UBR3: variants seen among roughly 807,000 people sequenced by gnomAD.
The protein encoded by UBR3 is E3 ubiquitin-protein ligase UBR3.
Under a neutral mutation model 243.2 loss-of-function variants are expected in UBR3, and 85 were observed. That is an observed-to-expected ratio of 0.35 (90% CI 0.29 to 0.42). The LOEUF (loss-of-function observed/expected upper bound fraction) is 0.42, where lower values mean the gene tolerates loss of function less well. Among genes scored for constraint, UBR3 ranks in the 10% least tolerant of loss-of-function variants. The pLI is 1.00. For synonymous variants in UBR3, 748 were observed against 799.8 expected (o/e 0.94, Z 1.09); for missense variants, 1,686 against 2,300.8 (o/e 0.73, Z 5.47).
intron 10 of UBR3, among the ~76,000 whole-genome samples, chr2:169,909,977 G>T (rs2085188615): frequency 6.6e-6 from 1 of 152,076 alleles, no homozygotes; most frequent in Admixed American, 6.5e-5. Flanking sequence ...AGAGACTTTT[G>T]AGTAACTGTG....
chr2:169,927,578 T>G (rs914204061), intron 17 of UBR3, among the ~76,000 whole-genome samples, 173 bp downstream of exon 17: 6 of 17,460 alleles, frequency 3.4e-4, no homozygotes, highest in Non-Finnish European at 1.4e-3. Context: ...GGTGACTGTT[T>G]TTTTTTTTTT....
At chr2:169,884,156 C>CT (rs757405113) in intron 5 of UBR3, among the ~76,000 whole-genome samples, 7,924 of 130,396 alleles carry the variant, frequency 0.061, 465 homozygotes, top group African/African-American at 0.15. Context: ...GGAGAGCTGA[C>CT]TTTTTTTTTT....
At chr2:170,010,421 C>T (rs1357789620) in intron 29 of UBR3, among the ~76,000 whole-genome samples, 3 of 152,072 alleles carry the variant, frequency 2.0e-5, no homozygotes, top group Non-Finnish European at 2.9e-5. Flanking sequence ...TTAGAGTTGA[C>T]CTTTTAAGAA....
At chr2:170,080,770 A>T (rs1003540701) in intron 38 of UBR3, 86 bp downstream of exon 38, 4 of 1,387,006 alleles carry the variant, frequency 2.9e-6, no homozygotes, top group Non-Finnish European at 3.9e-6. Flanking sequence ...TGTAATTACA[A>T]TTTTTTTAAT....
At chr2:170,055,164 G>T (rs961132538) in intron 32 of UBR3, among the ~76,000 whole-genome samples, 6 of 152,088 alleles carry the variant, frequency 3.9e-5, no homozygotes, top group Admixed American at 1.3e-4. Flanking sequence ...AGGCGTAGTG[G>T]CACATGCCTG....
chr2:169,977,085 A>G (rs905140158), intron 24 of UBR3, among the ~76,000 whole-genome samples: 17 of 151,712 alleles, frequency 1.1e-4, no homozygotes. Flanking sequence ...CTTTTTCATG[A>G]TATCTGTCTC....
At chr2:170,023,724 C>T (rs867720456) in intron 30 of UBR3, among the ~76,000 whole-genome samples, 1 of 152,152 alleles carries the variant, frequency 6.6e-6, no homozygotes, top group Admixed American at 6.5e-5. Context: ...TCCCGAGTAG[C>T]TGGGATTACA....
At chr2:169,965,110 T>G (rs1037746420) in intron 24 of UBR3, 1 of 365,590 alleles carries the variant, frequency 2.7e-6, no homozygotes, top group Non-Finnish European at 5.4e-6. Flanking sequence ...AAAGCCTGTT[T>G]GAGACCCCAT....
chr2:169,928,651 A>C, intron 17 of UBR3, 76 bp from the exon 18 acceptor site: 1 of 1,231,692 alleles, frequency 8.1e-7, no homozygotes. Flanking sequence ...CAGCAAAATG[A>C]GAAACTAGAG....
chr2:169,924,231 C>A (rs2085816841), intron 13 of UBR3, 58 bp downstream of exon 13: 13 of 1,307,312 alleles, frequency 9.9e-6, no homozygotes, highest in Non-Finnish European at 1.3e-5. Flanking sequence ...AGTGATTCTT[C>A]CTTTATTTAT....
At chr2:169,987,292 C>T (rs1166913425) in intron 25 of UBR3, among the ~76,000 whole-genome samples, 1 of 150,468 alleles carries the variant, frequency 6.6e-6, no homozygotes, top group Non-Finnish European at 1.5e-5. Context: ...ATTTGGGAGC[C>T]TGAGGCAGGA....
chr2:169,908,759 T>G (rs1427426396), intron 10 of UBR3, among the ~76,000 whole-genome samples: 1 of 151,752 alleles, frequency 6.6e-6, no homozygotes, highest in Non-Finnish European at 1.5e-5. Flanking sequence ...AAATTGGGGT[T>G]AGTGTTTGTC....
rs1251220362 is a variant in UBR3, at chr2:170,008,784, A to G, written c.4231-20A>G. 9.8e-6 allele frequency: 11 copies of G among 1,126,714 alleles called. No individual in the cohort carries two copies. Among genetic ancestry groups the G allele is most frequent in the Non-Finnish European group, 1.3e-5 (10 of 786,082 alleles). The allele number at this position is 1,126,714 out of a possible 1,614,324, so 69.8% of individuals were successfully genotyped here. A position where few individuals can be genotyped will look rare whatever the true frequency, so the allele number is the denominator to read the frequency against. ...GAAAGTGAATATAAACTTTATATGT[A>G]TGTTTGCATTTTTTTATAGTCAGAA... On this transcript the variant is annotated intron_variant, in intron 28 of 38. Coordinates refer to ENST00000272793, the MANE Select transcript of UBR3 (RefSeq NM_172070.4).
At chr2:170,004,357 CACTAGAT>C (rs1019992020) in intron 27 of UBR3, among the ~76,000 whole-genome samples, 1 of 152,132 alleles carries the variant, frequency 6.6e-6, no homozygotes, top group African/African-American at 2.4e-5. Flanking sequence ...AGACATTAGA[CACTAGAT>C]ACATTAGGTC....
At chr2:169,890,739 GTTGAACTCATTTT>G (rs1283441394) in intron 5 of UBR3, among the ~76,000 whole-genome samples, 2 of 147,634 alleles carry the variant, frequency 1.4e-5, no homozygotes, top group African/African-American at 4.9e-5. Flanking sequence ...AATTTGATTT[GTTGAACTCATTTT>G]TTCTTAGACC....
chr2:169,850,122 C>T (rs1290339411), intron 1 of UBR3, among the ~76,000 whole-genome samples: 1 of 146,568 alleles, frequency 6.8e-6, no homozygotes, highest in Admixed American at 6.8e-5. Context: ...TGTAAGTCAA[C>T]TGTTTTCTCT....
In UBR3 at chr2:170,061,085, T is replaced by G; in HGVS notation, c.4792T>G (p.Cys1598Gly). The change falls in exon 34 of 39, where the codon TGT becomes GGT. Residue 1598 changes from cysteine (C) to glycine (G), a missense_variant. Transcript: ENST00000272793. The stretch of plus-strand genomic sequence containing the variant: ...AATATTTTAATTTTTTCAGAGTACA[T>G]GTGATGCAGAAAAGTCTTACGAAGT... ...KHAGALKKST[C>G]DAEKSYEVLL... 2 of 1,566,480 alleles carry G rather than the reference T, an allele frequency of 1.3e-6. No homozygotes were observed. Among genetic ancestry groups the G allele is most frequent in the Non-Finnish European group, 1.7e-6 (2 of 1,163,782 alleles).
chr2:170,046,780 T>C (rs1258467141), intron 32 of UBR3, among the ~76,000 whole-genome samples: 4 of 152,202 alleles, frequency 2.6e-5, no homozygotes, highest in Admixed American at 2.0e-4. Context: ...GGTTAAATGC[T>C]TGATTTTGTA....
chr2:170,008,992 TTTA>T, intron 29 of UBR3, 52 bp downstream of exon 29: 2 of 1,135,950 alleles, frequency 1.8e-6, no homozygotes, highest in Non-Finnish European at 2.4e-6. Context: ...AATAGTTGAT[TTTA>T]TTATTTAATA....
Sources: allele counts gnomAD v4.1 joint callset (sites outside exome capture counted in the v4.1 genomes callset), GRCh38; gene constraint gnomAD v4.1.1; transcripts MANE v1.5; gene names NCBI Gene and HGNC (gene_info 2026-07-23, HGNC 2026-07-21).